Variants in EXOC2 observed in about 807,000 individuals in gnomAD.
EXOC2 encodes the protein SEC5-like 1.
Under a neutral mutation model 131.8 loss-of-function variants are expected in EXOC2, and 70 were observed. The ratio of observed to expected loss-of-function variants is 0.53; its 90% CI spans 0.44 to 0.65. EXOC2 has a LOEUF of 0.65. Among genes scored for constraint, EXOC2 ranks in the 30% least tolerant of loss-of-function variants. The pLI is 0.00. For missense variants in EXOC2, 923 were observed against 1,108.6 expected, an observed-to-expected ratio of 0.83 and a Z score of 2.38; for synonymous variants, 411 against 398.4, an observed-to-expected ratio of 1.03 and a Z score of -0.38.
chr6:654,837 A>AAAAAAT, intron 1 of EXOC2, among the ~76,000 whole-genome samples: 1 of 141,140 alleles, frequency 7.1e-6, no homozygotes, highest in Non-Finnish European at 1.5e-5. Context: ...AAAAAAAAAA[A>AAAAAAT]GTAGAGCCTT....
chr6:543,977 T>C (rs1756695510), intron 22 of EXOC2, among the ~76,000 whole-genome samples: 1 of 152,160 alleles, frequency 6.6e-6, no homozygotes, highest in African/African-American at 2.4e-5. Flanking sequence ...TGGAGGCAGA[T>C]GAGGTCGTCT....
In EXOC2 at chr6:555,374, A is replaced by G. The variant is rs561443171; in HGVS notation, c.1993-86T>C. The G allele has an allele frequency of 1.4e-5, 12 of 830,382 alleles. No individual in the cohort carries two copies. In the African/African-American group the frequency reaches 2.0e-4, roughly 14 times the overall value. 51.4% of individuals were successfully genotyped at this position (830,382 alleles called of 1,614,324 possible). On this transcript the variant is annotated intron_variant, in intron 19 of 27. Transcript: ENST00000230449. ...TTGGACACTAAAGATAACTTTACATAAAGTAGAATTATATATCTCATTAGT... is the reference window on the plus strand; with the variant it reads ...TTGGACACTAAAGATAACTTTACATGAAGTAGAATTATATATCTCATTAGT...
intron 1 of EXOC2, among the ~76,000 whole-genome samples, chr6:648,551 G>A (rs1221979241): frequency 4.0e-5 from 6 of 151,894 alleles, no homozygotes; most frequent in South Asian, 2.1e-4. Context: ...TACACTAAAC[G>A]GAGGTCAACA....
At chr6:692,845 G>C (rs1765010866) in intron 1 of EXOC2, among the ~76,000 whole-genome samples, 174 bp downstream of exon 1, 1 of 152,158 alleles carries the variant, frequency 6.6e-6, no homozygotes, top group South Asian at 2.1e-4. Flanking sequence ...TGGGGGCTGC[G>C]GGGCTGGGAA....
intron 24 of EXOC2, among the ~76,000 whole-genome samples, chr6:497,806 A>G (rs111422452): frequency 0.047 from 7,127 of 152,324 alleles, 247 homozygotes; most frequent in Non-Finnish European, 0.073. Context: ...AAACATCTCT[A>G]AAGAAGAAAT....
At chr6:524,007 C>G (rs1581364641) in intron 23 of EXOC2, among the ~76,000 whole-genome samples, 1 of 151,920 alleles carries the variant, frequency 6.6e-6, no homozygotes, top group Non-Finnish European at 1.5e-5. Context: ...ATGCTTCCAC[C>G]AAAACTGAAA....
intron 2 of EXOC2, among the ~76,000 whole-genome samples, chr6:635,182 G>T (rs575202240): frequency 6.6e-6 from 1 of 152,180 alleles, no homozygotes; most frequent in African/African-American, 2.4e-5. Flanking sequence ...TTCATTAAAG[G>T]AAAAAAGTCA....
intron 6 of EXOC2, among the ~76,000 whole-genome samples, chr6:616,365 A>G (rs1184861968): frequency 1.3e-5 from 2 of 152,186 alleles, no homozygotes; most frequent in Non-Finnish European, 2.9e-5. Context: ...GCACTTTGGG[A>G]GGCCGAGGCG....
At chr6:575,577 A>T (rs1758536271) in intron 12 of EXOC2, among the ~76,000 whole-genome samples, 1 of 151,114 alleles carries the variant, frequency 6.6e-6, no homozygotes. Context: ...TTCTGCCATG[A>T]CTGGAAGCTT....
At chr6:498,879 G>C (rs191398110) in intron 24 of EXOC2, among the ~76,000 whole-genome samples, 51 of 152,200 alleles carry the variant, frequency 3.4e-4, no homozygotes, top group African/African-American at 1.2e-3. Flanking sequence ...ACTTTATCTG[G>C]TCCCCCATTA....
chr6:578,449 A>G (rs918057856), intron 11 of EXOC2, among the ~76,000 whole-genome samples: 1 of 152,188 alleles, frequency 6.6e-6, no homozygotes, highest in Non-Finnish European at 1.5e-5. Context: ...AACTATAGCA[A>G]AAAAACGCTA....
At chr6:583,041 A>G (rs1759000422) in intron 11 of EXOC2, among the ~76,000 whole-genome samples, 2 of 152,220 alleles carry the variant, frequency 1.3e-5, no homozygotes, top group Non-Finnish European at 2.9e-5. Flanking sequence ...AGAATCATAT[A>G]TTTGTAATAA....
chr6:499,430 AACACACACACACACACACACACAC>A (rs5873755), intron 24 of EXOC2, among the ~76,000 whole-genome samples, 191 bp downstream of exon 24: 1 of 141,640 alleles, frequency 7.1e-6, no homozygotes, highest in African/African-American at 2.6e-5. Flanking sequence ...CTCACAGTTA[AACACACACACACACACACACACAC>A]ACACACACAC....
At chr6:557,976 G>T (rs927946741) in intron 17 of EXOC2, among the ~76,000 whole-genome samples, 2 of 152,058 alleles carry the variant, frequency 1.3e-5, no homozygotes, top group African/African-American at 4.8e-5. Context: ...CACCAAACAT[G>T]AGCACAGGTC....
At chr6:554,543 AG>A (rs1757317327) in intron 20 of EXOC2, among the ~76,000 whole-genome samples, 1 of 152,206 alleles carries the variant, frequency 6.6e-6, no homozygotes, top group Non-Finnish European at 1.5e-5. Flanking sequence ...TTGGGTCTCT[AG>A]GGAGGTGATA....
chr6:625,665 GT>G (rs1761528598), intron 4 of EXOC2, among the ~76,000 whole-genome samples: 1 of 151,868 alleles, frequency 6.6e-6, no homozygotes, highest in Admixed American at 6.6e-5. Flanking sequence ...TTTGCCGTCA[GT>G]TTTCCTCTTT....
At chr6:588,650 C>A (rs1459377737) in intron 11 of EXOC2, among the ~76,000 whole-genome samples, 1 of 152,210 alleles carries the variant, frequency 6.6e-6, no homozygotes, top group East Asian at 1.9e-4. Context: ...ACCGCACCGG[C>A]CCTTCACTTT....
intron 1 of EXOC2, among the ~76,000 whole-genome samples, chr6:676,936 G>C (rs1248807475): frequency 4.2e-3 from 327 of 78,210 alleles, no homozygotes; most frequent in Middle Eastern, 0.018. Flanking sequence ...GAAAGGACAG[G>C]TTCCTCTGAA....
intron 22 of EXOC2, among the ~76,000 whole-genome samples, chr6:534,651 G>A (rs752408575): frequency 5.3e-5 from 8 of 152,182 alleles, no homozygotes; most frequent in Non-Finnish European, 1.0e-4. Flanking sequence ...AACAGAGTCC[G>A]AGAAAGATAT....
Sources: allele counts gnomAD v4.1 joint callset (sites outside exome capture counted in the v4.1 genomes callset), GRCh38; gene constraint gnomAD v4.1.1; transcripts MANE v1.5; gene names NCBI Gene and HGNC (gene_info 2026-07-23, HGNC 2026-07-21).